The following NEDD4 variants were observed in gnomAD, a reference collection of about 807,000 sequenced individuals.
The protein encoded by NEDD4 is NEDD4 E3 ubiquitin protein ligase.
In NEDD4, 99 loss-of-function variants were observed where a neutral mutation model predicts 144.9. The observed-to-expected ratio is 0.68, with a 90% CI of 0.58 to 0.81. The LOEUF is 0.81. Among genes scored for constraint, NEDD4 ranks in the 30% least tolerant of loss-of-function variants. NEDD4 has a pLI of 0.00. For missense variants in NEDD4, 985 were observed against 1,065.9 expected, an observed-to-expected ratio of 0.92 and a Z score of 1.06; for synonymous variants, 318 against 350.6, an observed-to-expected ratio of 0.91 and a Z score of 1.04.
intron 5 of NEDD4, among the ~76,000 whole-genome samples, chr15:55,906,688 G>A (rs1340073169): frequency 1.3e-5 from 2 of 152,100 alleles, no homozygotes; most frequent in Non-Finnish European, 2.9e-5. Flanking sequence ...TGTAAATGAC[G>A]AGTTAATGGG....
At chr15:55,905,290 C>G (rs767002985) in intron 5 of NEDD4, 2 of 455,890 alleles carry the variant, frequency 4.4e-6, no homozygotes, top group South Asian at 1.6e-5. Context: ...GGCTGTAAAA[C>G]ATAACTGGCA....
intron 5 of NEDD4, among the ~76,000 whole-genome samples, chr15:55,879,198 A>G (rs1384860146): frequency 1.3e-5 from 2 of 152,210 alleles, no homozygotes; most frequent in African/African-American, 2.4e-5. Context: ...ACAGTAAAAG[A>G]AAGAAAAAAG....
Position 55,848,583 on chromosome 15 carries a change from TA to T in NEDD4, c.1429-9del, listed in dbSNP as rs779937442. ...TCTCTCTTCCCATCCTGGCTATAATTAAAAATGTATTTCAATTATTTTAGGA... is the reference window on the plus strand; with the variant it reads ...TCTCTCTTCCCATCCTGGCTATAATTAAAATGTATTTCAATTATTTTAGGA... On this transcript the variant is annotated splice_polypyrimidine_tract_variant and intron_variant, in intron 15 of 28. Coordinates refer to ENST00000435532, the MANE Select transcript of NEDD4 (RefSeq NM_006154.4). 1.2e-6 allele frequency: 2 copies of T among 1,610,108 alleles called. No homozygotes were observed. The highest frequency in any genetic ancestry group is 2.2e-5 in the South Asian group (2 of 90,928).
chr15:55,978,038 T>C (rs1319518499), intron 1 of NEDD4, among the ~76,000 whole-genome samples: 1 of 152,198 alleles, frequency 6.6e-6, no homozygotes, highest in African/African-American at 2.4e-5. Flanking sequence ...GTAGCAGTTA[T>C]AATTTATATG....
intron 5 of NEDD4, among the ~76,000 whole-genome samples, chr15:55,904,077 G>A (rs551268966): frequency 4.6e-5 from 7 of 151,998 alleles, no homozygotes; most frequent in Admixed American, 6.5e-5. Flanking sequence ...CAGGAGAATC[G>A]TTTGAACTCT....
At chr15:55,948,160 G>C (rs1455153025) in intron 4 of NEDD4, among the ~76,000 whole-genome samples, 7 of 152,132 alleles carry the variant, frequency 4.6e-5, no homozygotes, top group Non-Finnish European at 8.8e-5. Flanking sequence ...ATCAATTACA[G>C]ACAAACAGAG....
chr15:55,837,433 A>C (rs1595727556), intron 24 of NEDD4, among the ~76,000 whole-genome samples: 2 of 1,064 alleles, frequency 1.9e-3, no homozygotes, highest in South Asian at 0.036. Context: ...CTCCGCGCTC[A>C]AAAAAAAAAA....
intron 5 of NEDD4, among the ~76,000 whole-genome samples, chr15:55,909,886 G>T (rs1424517957): frequency 6.6e-6 from 1 of 152,170 alleles, no homozygotes; most frequent in Non-Finnish European, 1.5e-5. Context: ...CTTATTTTTG[G>T]TGGTAGAGAG....
rs574785610 is a variant in NEDD4, at chr15:55,886,015, C to T, written c.292-12007G>A. Among the ~76,000 whole-genome samples, 215 of 151,664 alleles carry T rather than the reference C, an allele frequency of 1.4e-3. 1 individual carries two copies. The highest frequency in any genetic ancestry group is 2.6e-3 in the Non-Finnish European group (178 of 67,878). ...AAAAACAAAGGGATGGAAAAAGGTACTTCATTAAAACGGAAATCAAAAAAG... is the reference window on the plus strand; with the variant it reads ...AAAAACAAAGGGATGGAAAAAGGTATTTCATTAAAACGGAAATCAAAAAAG... On this transcript the variant is annotated intron_variant, in intron 5 of 28. Transcript: ENST00000435532.
At chr15:55,977,218 G>T (rs1236802286) in intron 1 of NEDD4, among the ~76,000 whole-genome samples, 3 of 152,180 alleles carry the variant, frequency 2.0e-5, no homozygotes, top group Non-Finnish European at 4.4e-5. Flanking sequence ...ATATATGATG[G>T]TGGTCCCATA....
At chr15:55,874,966 T>C (rs2034939160) in intron 5 of NEDD4, among the ~76,000 whole-genome samples, 1 of 139,844 alleles carries the variant, frequency 7.2e-6, no homozygotes. Flanking sequence ...AGAGTAAGAC[T>C]CCGCTCAAAA....
intron 8 of NEDD4, among the ~76,000 whole-genome samples, chr15:55,868,834 A>T (rs949925517): frequency 6.6e-6 from 1 of 151,998 alleles, no homozygotes. Context: ...CAAATCATAA[A>T]TTTTTTTGCT....
intron 4 of NEDD4, among the ~76,000 whole-genome samples, chr15:55,948,744 G>C (rs536002827): frequency 4.6e-5 from 7 of 151,990 alleles, no homozygotes; most frequent in Non-Finnish European, 7.4e-5. Context: ...GAAAACTGGC[G>C]AGCCATATGT....
chr15:55,932,480 A>G (rs1462186509), intron 4 of NEDD4, among the ~76,000 whole-genome samples: 1 of 152,344 alleles, frequency 6.6e-6, no homozygotes, highest in East Asian at 1.9e-4. Flanking sequence ...AGAAAGCTGA[A>G]ACTGGATCCC....
intron 4 of NEDD4, among the ~76,000 whole-genome samples, chr15:55,941,991 C>T (rs746401342): frequency 5.9e-4 from 89 of 151,998 alleles, no homozygotes; most frequent in Non-Finnish European, 8.7e-4. Flanking sequence ...TGGGTATTAG[C>T]TGTAGTGTAC....
At chr15:55,971,152 C>A (rs1378073179) in intron 1 of NEDD4, among the ~76,000 whole-genome samples, 1 of 151,926 alleles carries the variant, frequency 6.6e-6, no homozygotes, top group Non-Finnish European at 1.5e-5. Context: ...AATTAATTGG[C>A]AAATTAAAGA....
chr15:55,841,984 G>C lies in NEDD4; in HGVS notation c.1788C>G (p.Ile596Met), dbSNP rs747060102. ...GGVAREWFFLISKEMFNPYYG... is the reference protein window; with the variant it reads ...GGVAREWFFLMSKEMFNPYYG... ...AATAAGGGTTAAACATTTCCTTTGA[G>C]ATCAGGAAGAACCATTCTCTGGCAA... The change falls in exon 19 of 29, where the codon ATC becomes ATG. Residue 596 changes from isoleucine to methionine, a missense_variant. Transcript: ENST00000435532. The C allele has an allele frequency of 6.2e-7, 1 of 1,614,170 alleles. No homozygotes were observed. The highest frequency in any genetic ancestry group is 8.5e-7 in the Non-Finnish European group (1 of 1,180,010).
At chr15:55,945,121 G>A (rs2037084929) in intron 4 of NEDD4, among the ~76,000 whole-genome samples, 1 of 152,104 alleles carries the variant, frequency 6.6e-6, no homozygotes, top group South Asian at 2.1e-4. Flanking sequence ...AAGGATCGCA[G>A]CCCCTCGCCA....
At chr15:55,985,452 G>C (rs963679235) in intron 1 of NEDD4, among the ~76,000 whole-genome samples, 3 of 152,216 alleles carry the variant, frequency 2.0e-5, no homozygotes, top group Non-Finnish European at 4.4e-5. Flanking sequence ...ATGCTGCATA[G>C]AGAATAGCAA....
Sources: gnomAD v4.1 joint callset for allele counts (sites outside exome capture counted in the v4.1 genomes callset) on GRCh38, gnomAD v4.1.1 for gene constraint, MANE v1.5 for transcripts, NCBI Gene and HGNC (gene_info 2026-07-23, HGNC 2026-07-21) for gene names.